C8A: variants seen among roughly 807,000 people sequenced by gnomAD.
C8A encodes complement component C8 alpha chain.
C8A carries 67 observed loss-of-function variants against 65.3 expected under a neutral mutation model. The observed-to-expected ratio is 1.03, with a 90% CI of 0.84 to 1.26. The LOEUF (loss-of-function observed/expected upper bound fraction) is 1.26, where lower values mean the gene tolerates loss of function less well. Among genes scored for constraint, C8A ranks in the 50% most tolerant of loss-of-function variants. C8A has a pLI of 0.00. For synonymous variants in C8A, 290 were observed against 259.4 expected (o/e 1.12, Z -1.13); for missense variants, 781 against 723.9 (o/e 1.08, Z -0.90).
intron 6 of C8A, among the ~76,000 whole-genome samples, chr1:56,885,439 A>AATATATTTAC (rs1319825623): frequency 0.045 from 5,380 of 119,376 alleles, 1,187 homozygotes; most frequent in African/African-American, 0.19. Context: ...TATATATTTA[A>AATATATTTAC]GTAAATATAT....
intron 7 of C8A, among the ~76,000 whole-genome samples, chr1:56,898,797 A>G (rs1644404292): frequency 6.6e-6 from 1 of 152,026 alleles, no homozygotes; most frequent in Non-Finnish European, 1.5e-5. Context: ...GTGGTTCCAA[A>G]TCTGAGCCCA....
Position 56,917,819 on chromosome 1 carries a change from A to G in C8A, c.*103A>G. Reference sequence around the variant, plus strand: ...ACTAAGAGAAGATGCAAATCAGCACACTTTTTTCTTTGTTCTGCCAGCTTC... The same window carrying G: ...ACTAAGAGAAGATGCAAATCAGCACGCTTTTTTCTTTGTTCTGCCAGCTTC... On this transcript the variant is annotated 3_prime_UTR_variant, in exon 11 of 11. Transcript: ENST00000361249. 1 of 1,430,816 alleles carries G rather than the reference A, an allele frequency of 7.0e-7. No homozygotes were observed. Among genetic ancestry groups the G allele is most frequent in the Non-Finnish European group, 9.7e-7 (1 of 1,031,014 alleles). The allele number at this position is 1,430,816 out of a possible 1,614,324, so 88.6% of individuals were successfully genotyped here.
At chr1:56,888,849 C>T (rs189558689) in intron 7 of C8A, among the ~76,000 whole-genome samples, 1 of 152,160 alleles carries the variant, frequency 6.6e-6, no homozygotes, top group Non-Finnish European at 1.5e-5. Context: ...CGGTGTTGTC[C>T]AAGTTTTAGC....
intron 7 of C8A, among the ~76,000 whole-genome samples, chr1:56,894,101 T>C (rs1047749140): frequency 6.6e-6 from 1 of 152,148 alleles, no homozygotes; most frequent in African/African-American, 2.4e-5. Flanking sequence ...ATTACAGTTA[T>C]CAACTCTGGA....
At chr1:56,858,206 G>T (rs2101182173) in intron 1 of C8A, among the ~76,000 whole-genome samples, 1 of 151,912 alleles carries the variant, frequency 6.6e-6, no homozygotes, top group East Asian at 1.9e-4. Flanking sequence ...CTGTTTCGTT[G>T]GTCTTTAGAA....
At chr1:56,887,893 A>G (rs1644313483) in intron 7 of C8A, among the ~76,000 whole-genome samples, 1 of 152,170 alleles carries the variant, frequency 6.6e-6, no homozygotes, top group Non-Finnish European at 1.5e-5. Context: ...ACAGAAAACC[A>G]AACACCACAG....
chr1:56,913,572 C>G (rs1363950159), intron 10 of C8A, among the ~76,000 whole-genome samples: 3 of 152,146 alleles, frequency 2.0e-5, no homozygotes, highest in Non-Finnish European at 4.4e-5. Context: ...CTTTCTGGGG[C>G]TTAGCTTTCT....
At chr1:56,880,506 T>A (rs1371640353) in intron 4 of C8A, among the ~76,000 whole-genome samples, 1 of 152,126 alleles carries the variant, frequency 6.6e-6, no homozygotes, top group African/African-American at 2.4e-5. Context: ...GTGTTCAAAG[T>A]CATACAGCTA....
intron 1 of C8A, among the ~76,000 whole-genome samples, chr1:56,866,855 A>G (rs918456579): frequency 2.0e-5 from 3 of 152,164 alleles, no homozygotes; most frequent in African/African-American, 7.2e-5. Flanking sequence ...ATGCTCTCTC[A>G]TGTCTGTTGG....
At chr1:56,889,522 C>G (rs1175825540) in intron 7 of C8A, among the ~76,000 whole-genome samples, 2 of 152,086 alleles carry the variant, frequency 1.3e-5, no homozygotes, top group Non-Finnish European at 2.9e-5. Context: ...GTACCTTTCT[C>G]TCTCTCTCCC....
rs540458044 is a variant in C8A, at chr1:56,897,060, T to C, written c.1097-9607T>C. Among the ~76,000 whole-genome samples the C allele has an allele frequency of 1.2e-4, 18 of 152,354 alleles. No individual in the cohort carries two copies. The South Asian group carries it at 3.3e-3, about 28-fold the overall frequency. ...ACCAGCTTTCTAATTCCAAGTGCAG[T>C]GTTTCTTGCAGTAAACCTAGATATT... On this transcript the variant is annotated intron_variant, in intron 7 of 10. Coordinates refer to ENST00000361249, the MANE Select transcript of C8A (RefSeq NM_000562.3).
chr1:56,878,060 C>T (rs1458247549), intron 4 of C8A, among the ~76,000 whole-genome samples: 1 of 152,188 alleles, frequency 6.6e-6, no homozygotes, highest in African/African-American at 2.4e-5. Flanking sequence ...AGGGTGTCAG[C>T]AGAGTGGTTT....
chr1:56,866,043 GA>G (rs1288068555), intron 1 of C8A, among the ~76,000 whole-genome samples: 1 of 152,174 alleles, frequency 6.6e-6, no homozygotes, highest in Non-Finnish European at 1.5e-5. Context: ...TAACATGTAA[GA>G]AATTGCCACT....
At chr1:56,869,233 T>C (rs189856534) in intron 2 of C8A, among the ~76,000 whole-genome samples, 3 of 152,302 alleles carry the variant, frequency 2.0e-5, no homozygotes, top group East Asian at 1.9e-4. Context: ...TGCATCCTCA[T>C]AGCTTAGCTC....
chr1:56,878,000 A>C (rs1448299885), intron 4 of C8A, among the ~76,000 whole-genome samples: 2 of 152,196 alleles, frequency 1.3e-5, no homozygotes, highest in Non-Finnish European at 2.9e-5. Flanking sequence ...AGTGGCTTAA[A>C]CAGCAGAAAT....
chr1:56,902,349 A>G (rs1302751088), intron 7 of C8A, among the ~76,000 whole-genome samples: 1 of 152,002 alleles, frequency 6.6e-6, no homozygotes, highest in African/African-American at 2.4e-5. Context: ...GGTTTAATCC[A>G]GTTCTACTGG....
chr1:56,912,647 C>G, intron 10 of C8A, 22 bp downstream of exon 10: 3 of 1,606,128 alleles, frequency 1.9e-6, no homozygotes, highest in Non-Finnish European at 2.6e-6. Context: ...GCATCCCCAC[C>G]CAGTTCCAGC....
At chr1:56,875,691 GAA>G (rs1644191578) in intron 3 of C8A, among the ~76,000 whole-genome samples, 1 of 152,172 alleles carries the variant, frequency 6.6e-6, no homozygotes, top group Admixed American at 6.6e-5. Flanking sequence ...AGGGCTTTTG[GAA>G]GAGAGGTAGG....
At chr1:56,855,888 G>A (rs554569948) in intron 1 of C8A, among the ~76,000 whole-genome samples, 2 of 152,100 alleles carry the variant, frequency 1.3e-5, no homozygotes, top group African/African-American at 4.8e-5. Flanking sequence ...CAGTTAATTT[G>A]TAACTTGTAT....
Sources: gnomAD v4.1 joint callset for allele counts (sites outside exome capture counted in the v4.1 genomes callset) on GRCh38, gnomAD v4.1.1 for gene constraint, MANE v1.5 for transcripts, NCBI Gene and HGNC (gene_info 2026-07-23, HGNC 2026-07-21) for gene names.